Variants in PPL observed in about 807,000 individuals in gnomAD.
PPL encodes the protein 190 kDa paraneoplastic pemphigus antigen.
A neutral mutation model predicts 194.4 loss-of-function variants in PPL; 198 were observed. The ratio of observed to expected loss-of-function variants is 1.02; its 90% CI spans 0.91 to 1.15. PPL has a LOEUF of 1.15. Among genes scored for constraint, PPL ranks in the 50% most tolerant of loss-of-function variants. PPL has a pLI of 0.00. For missense variants in PPL, 2,885 were observed against 2,294.8 expected, an observed-to-expected ratio of 1.26 and a Z score of -5.25; for synonymous variants, 1,220 against 972.4, an observed-to-expected ratio of 1.25 and a Z score of -4.74.
At chr16:4,887,500 T>C (rs1350563374) in intron 20 of PPL, among the ~76,000 whole-genome samples, 1 of 152,172 alleles carries the variant, frequency 6.6e-6, no homozygotes, top group African/African-American at 2.4e-5. Context: ...CTCTTGTGTG[T>C]ACAGGAGACT....
intron 6 of PPL, 46 bp from the exon 7 acceptor site, chr16:4,899,430 C>T: frequency 8.1e-7 from 1 of 1,231,814 alleles, no homozygotes; most frequent in Non-Finnish European, 1.0e-6. Context: ...CAGCCCGCTG[C>T]CACTGCTCGC....
chr16:4,910,217 A>G (rs1156685307), intron 2 of PPL, among the ~76,000 whole-genome samples: 1 of 152,164 alleles, frequency 6.6e-6, no homozygotes, highest in Non-Finnish European at 1.5e-5. Context: ...TTGCCCAGCT[A>G]TTTTATCTCT....
At position 4,893,599 on chromosome 16, in the gene PPL, A is replaced by C. The variant is rs2088362794; in HGVS notation, c.1434T>G (p.Ala478=). The C allele has an allele frequency of 1.2e-6, 2 of 1,609,888 alleles. No homozygotes were observed. Among genetic ancestry groups the C allele is most frequent in the Non-Finnish European group, 1.7e-6 (2 of 1,179,324 alleles). ...SQYRSVRQKA[A]GSKRTLQQRY... Reference sequence around the variant, plus strand: ...GCTGCTGCAGCGTGCGTTTGCTCCCAGCTGCCTTCTGCCGCACGCTCCGGT... The same window carrying C: ...GCTGCTGCAGCGTGCGTTTGCTCCCCGCTGCCTTCTGCCGCACGCTCCGGT... Residue 478 remains alanine (A), a synonymous_variant, in exon 13 of 22, where the codon GCT becomes GCG. Coordinates refer to ENST00000345988, the MANE Select transcript of PPL (RefSeq NM_002705.5).
rs928999376 is a variant in PPL, at chr16:4,901,789, T to C, written c.438+617A>G. 7.2e-5 allele frequency among the ~76,000 whole-genome samples: 10 copies of C among 139,476 alleles called. No homozygotes were observed. The East Asian group carries it at 2.1e-3, about 29-fold the overall frequency. The allele number at this position is 139,476 out of a possible 152,430, so 91.5% of individuals were successfully genotyped here. A position where few individuals can be genotyped will look rare whatever the true frequency, so the allele number is the denominator to read the frequency against. Reference sequence around the variant, plus strand: ...GCCCCGTCTCTATAAAAATACAAAATATTAGCCAGGTATGATGGCGTGCAC... The same window carrying C: ...GCCCCGTCTCTATAAAAATACAAAACATTAGCCAGGTATGATGGCGTGCAC... On this transcript the variant is annotated intron_variant, in intron 4 of 21. Coordinates refer to ENST00000345988, the MANE Select transcript of PPL (RefSeq NM_002705.5).
intron 1 of PPL, among the ~76,000 whole-genome samples, chr16:4,932,750 T>C (rs2089240484): frequency 6.6e-6 from 1 of 152,080 alleles, no homozygotes; most frequent in Non-Finnish European, 1.5e-5. Context: ...GTGTGCTTCC[T>C]AGTATTGGCT....
rs745968260 is a variant in PPL at position 4,885,703 on chromosome 16, C to T, written c.2952G>A (p.Glu984=). The T allele has an allele frequency of 2.2e-5, 35 of 1,613,572 alleles. No individual in the cohort carries two copies. The Admixed American group carries it at 5.0e-4, about 23-fold the overall frequency. ...LQLQLRALEQ[E]TRDGGQEYVV... ...CGTACTCCTGCCCCCCGTCTCTGGTCTCCTGCTCCAGGGCACGCAGCTGCA... is the reference window on the plus strand; with the variant it reads ...CGTACTCCTGCCCCCCGTCTCTGGTTTCCTGCTCCAGGGCACGCAGCTGCA... The change falls in exon 22 of 22, where the codon GAG becomes GAA. Residue 984 remains glutamate, a synonymous_variant. Transcript: ENST00000345988. This position sits in a 1 kb window ranked among gnomAD's most constrained non-coding sequence, Gnocchi z 6.3.
At chr16:4,904,632 G>A (rs1227458508) in intron 2 of PPL, among the ~76,000 whole-genome samples, 7 of 152,202 alleles carry the variant, frequency 4.6e-5, no homozygotes, top group East Asian at 3.9e-4. Flanking sequence ...AGCGAGCTAC[G>A]ACTGGGCCAT....
intron 1 of PPL, among the ~76,000 whole-genome samples, chr16:4,927,976 C>T (rs1219096647): frequency 1.3e-5 from 2 of 152,250 alleles, no homozygotes; most frequent in Non-Finnish European, 2.9e-5. Context: ...CATGGTTGTG[C>T]ATGCCTCTAG....
Position 4,886,050 on chromosome 16 carries a change from G to A in PPL, c.2608-3C>T. On this transcript the variant is annotated splice_polypyrimidine_tract_variant and splice_region_variant and intron_variant, in intron 21 of 21. Coordinates refer to ENST00000345988, the MANE Select transcript of PPL (RefSeq NM_002705.5). ...TGGGTCACTTCTACTTCCGGCTGCTGTGATGGAGAAGACAAGACAAGGTTA... is the reference window on the plus strand; with the variant it reads ...TGGGTCACTTCTACTTCCGGCTGCTATGATGGAGAAGACAAGACAAGGTTA... The A allele has an allele frequency of 1.9e-6, 3 of 1,613,872 alleles. No homozygotes were observed. The highest frequency in any genetic ancestry group is 2.5e-6 in the Non-Finnish European group (3 of 1,180,008).
At chr16:4,932,118 A>C (rs749780995) in intron 1 of PPL, among the ~76,000 whole-genome samples, 1 of 152,222 alleles carries the variant, frequency 6.6e-6, no homozygotes, top group Non-Finnish European at 1.5e-5. Flanking sequence ...CTGGACTTCC[A>C]GCATCAGCCA....
Position 4,899,099 on chromosome 16 carries a change from C to T in PPL, c.790G>A (p.Glu264Lys). The T allele has an allele frequency of 6.2e-7, 1 of 1,613,792 alleles. No homozygotes were observed. Among genetic ancestry groups the T allele is most frequent in the Non-Finnish European group, 8.5e-7 (1 of 1,179,948 alleles). The change falls in exon 8 of 22, where the codon GAG becomes AAG. Residue 264 changes from glutamate to lysine, a missense_variant. Transcript: ENST00000345988. ...TTGTTGATTCTCTCCTCTTTGGCCT[C>T]CAGGTTCCGGTTGATGAAATTCTGC... ...QYENFINRNL[E>K]AKEERINKLH...
chr16:4,894,629 C>T lies in PPL; in HGVS notation c.1243-11G>A, dbSNP rs1048539310. On this transcript the variant is annotated splice_polypyrimidine_tract_variant and intron_variant, in intron 11 of 21. Transcript: ENST00000345988. ...CCGCGAGATCAGGCCCTGGCGGGGGCAGGCTGGACAGTCAGGATCCCGGCA... is the reference window on the plus strand; with the variant it reads ...CCGCGAGATCAGGCCCTGGCGGGGGTAGGCTGGACAGTCAGGATCCCGGCA... 1.9e-6 allele frequency: 3 copies of T among 1,610,740 alleles called. No individual in the cohort carries two copies. The highest frequency in any genetic ancestry group is 2.2e-5 in the East Asian group (1 of 44,846).
At chr16:4,935,685 T>C (rs1030879864) in intron 1 of PPL, among the ~76,000 whole-genome samples, 3 of 152,170 alleles carry the variant, frequency 2.0e-5, no homozygotes, top group Non-Finnish European at 4.4e-5. Context: ...CTGAAAGGGC[T>C]GGAAGGCCCC....
intron 8 of PPL, 144 bp downstream of exon 8, chr16:4,898,869 C>A: frequency 1.5e-6 from 1 of 662,584 alleles, no homozygotes; most frequent in Admixed American, 2.6e-5. Flanking sequence ...CAGAGTCAGA[C>A]ACAGCAAGAA....
In PPL at chr16:4,899,006, C is replaced by T. The variant is rs750633923; in HGVS notation, c.876+7G>A. 1.9e-6 allele frequency: 3 copies of T among 1,612,520 alleles called. No individual in the cohort carries two copies. The South Asian group carries it at 3.3e-5, about 18-fold the overall frequency. ...GGGGGAGGTGTCTGGTCTCGGGGTG[C>T]ATGAACCTCAATGGAGTTCCTCCCG... On this transcript the variant is annotated splice_region_variant and intron_variant, in intron 8 of 21. Coordinates refer to ENST00000345988, the MANE Select transcript of PPL (RefSeq NM_002705.5).
In PPL at chr16:4,892,116, G is replaced by A. The variant is rs1370827756; in HGVS notation, c.1748C>T (p.Thr583Ile). Residue 583 changes from threonine to isoleucine, a missense_variant, in exon 15 of 22, where the codon ACA (threonine) becomes ATA (isoleucine). Coordinates refer to ENST00000345988, the MANE Select transcript of PPL (RefSeq NM_002705.5). ...CTCCACCCGGGTCCTCAGCAGGGGT[G>A]TGGTGCCACTGCCTGGGAGGGCCTG... The part of the protein sequence containing the change: ...FIQALPGSGT[T>I]PLLRTRVEDT... The A allele has an allele frequency of 5.0e-6, 8 of 1,613,798 alleles. No homozygotes were observed. Among genetic ancestry groups the A allele is most frequent in the Non-Finnish European group, 6.8e-6 (8 of 1,180,028 alleles).
At chr16:4,913,855 A>G (rs2088866081) in intron 1 of PPL, among the ~76,000 whole-genome samples, 1 of 152,134 alleles carries the variant, frequency 6.6e-6, no homozygotes, top group South Asian at 2.1e-4. Flanking sequence ...TTCTACTCAC[A>G]CTCATTAAGC....
intron 1 of PPL, among the ~76,000 whole-genome samples, chr16:4,917,105 C>A (rs773968213): frequency 1.6e-4 from 24 of 151,966 alleles, no homozygotes; most frequent in Non-Finnish European, 2.8e-4. Context: ...GCACTCCAGC[C>A]TGGGTGATGG....
At chr16:4,910,287 C>T (rs1276122166) in intron 2 of PPL, among the ~76,000 whole-genome samples, 3 of 152,156 alleles carry the variant, frequency 2.0e-5, no homozygotes, top group African/African-American at 7.2e-5. Flanking sequence ...GTAGGATGAG[C>T]AGTGAGAATG....
Sources: gnomAD v4.1 joint callset for allele counts (sites outside exome capture counted in the v4.1 genomes callset) on GRCh38, gnomAD v4.1.1 for gene constraint, Gnocchi (gnomAD v3.1) non-coding constraint, MANE v1.5 for transcripts, NCBI Gene and HGNC (gene_info 2026-07-23, HGNC 2026-07-21) for gene names.